DDHD2: variants seen among roughly 807,000 people sequenced by gnomAD.
DDHD2 encodes the protein DDHD domain containing 2, also known as triacylglycerol hydrolase DDHD2.
DDHD2 carries 62 observed loss-of-function variants against 91.2 expected under a neutral mutation model. The ratio of observed to expected loss-of-function variants is 0.68; its 90% CI spans 0.55 to 0.84. The LOEUF (loss-of-function observed/expected upper bound fraction) is 0.84. Ranked by LOEUF, DDHD2 falls within the 40% of genes least tolerant of loss-of-function variation. DDHD2 has a pLI of 0.00. For missense variants in DDHD2, 740 were observed against 846.9 expected (o/e 0.87, Z 1.57); for synonymous variants, 271 against 293.9 (o/e 0.92, Z 0.80).
intron 3 of DDHD2, among the ~76,000 whole-genome samples, chr8:38,235,719 C>CA (rs758520572): frequency 0.021 from 1,616 of 76,294 alleles, 32 homozygotes; most frequent in African/African-American, 0.063. Context: ...AACTCCATCT[C>CA]AAAAAAAAAA....
At chr8:38,239,501 C>T (rs117993574) in intron 5 of DDHD2, among the ~76,000 whole-genome samples, 6,557 of 150,534 alleles carry the variant, frequency 0.044, 226 homozygotes, top group Admixed American at 0.1. Flanking sequence ...CTGGCTAACA[C>T]GGTGAAACAC....
intron 3 of DDHD2, among the ~76,000 whole-genome samples, chr8:38,235,732 A>C (rs1439247992): frequency 1.3e-5 from 2 of 151,310 alleles, no homozygotes; most frequent in African/African-American, 2.4e-5. Context: ...AAAAAAAAAA[A>C]AAAACTGGTG....
intron 11 of DDHD2, chr8:38,250,937 G>GT (rs1381406261): frequency 6.6e-6 from 1 of 152,132 alleles, no homozygotes; most frequent in African/African-American, 2.4e-5. Flanking sequence ...TTTGAGCCAT[G>GT]TGTCTGACTT....
At chr8:38,269,061 C>A (rs530032944) in intron 1 of DDHD2, 8 of 1,522,330 alleles carry the variant, frequency 5.3e-6, no homozygotes, top group African/African-American at 2.9e-5. Context: ...CCCGACCCGC[C>A]GCCCCGTGCC....
chr8:38,238,956 C>CGTGT (rs1563300789), intron 5 of DDHD2: 1 of 152,270 alleles, frequency 6.6e-6, no homozygotes, highest in Non-Finnish European at 1.5e-5. Flanking sequence ...TGTGTGTACA[C>CGTGT]ACACAGAGAA....
Position 38,253,081 on chromosome 8 carries a change from A to G in DDHD2, c.1845A>G (p.Pro615=), listed in dbSNP as rs771147149. ...PYPALQASET[P]EETEAEPEST... is the part of the protein sequence containing the mutation. ...CTGCCTTACAAGCTTCAGAAACACC[A>G]GAAGAAACTGAAGCAGAACCTGAAT... is the stretch of plus-strand genomic sequence containing the variant. Residue 615 remains proline, a synonymous_variant, in exon 15 of 18, where the codon CCA becomes CCG. Transcript: ENST00000397166. 6.2e-7 allele frequency: 1 copy of G among 1,614,170 alleles called. No individual in the cohort carries two copies. Among genetic ancestry groups the G allele is most frequent in the Non-Finnish European group, 8.5e-7 (1 of 1,180,014 alleles).
intron 5 of DDHD2, chr8:38,238,452 G>A: frequency 1.6e-6 from 2 of 1,223,680 alleles, no homozygotes; most frequent in Non-Finnish European, 1.0e-6. Context: ...AAGTCACTAA[G>A]TACAGATGAA....
At chr8:38,253,834 C>T in intron 16 of DDHD2, 116 bp downstream of exon 16, 1 of 1,037,436 alleles carries the variant, frequency 9.6e-7, no homozygotes, top group South Asian at 1.6e-5. Context: ...AATCTCAGCA[C>T]TTTGGGAGGC....
At chr8:38,245,319 C>G (rs1296446078) in intron 7 of DDHD2, among the ~76,000 whole-genome samples, 1 of 151,730 alleles carries the variant, frequency 6.6e-6, no homozygotes, top group Non-Finnish European at 1.5e-5. Flanking sequence ...GCAATTCCAG[C>G]TATTTGGGAG....
downstream of DDHD2, chr8:38,263,747 T>A: frequency 2.0e-6 from 2 of 985,408 alleles, no homozygotes; most frequent in South Asian, 4.7e-5. Context: ...TTGAGCTATA[T>A]GAAATGGAAA....
chr8:38,257,035 T>C (rs947706189), intron 16 of DDHD2, among the ~76,000 whole-genome samples: 2 of 151,838 alleles, frequency 1.3e-5, no homozygotes, highest in African/African-American at 4.8e-5. Context: ...CATCCTCCCA[T>C]CTCAGCCTCC....
chr8:38,237,647 T>C lies in DDHD2; in HGVS notation c.501+20T>C. On this transcript the variant is annotated intron_variant, in intron 4 of 17. Transcript: ENST00000397166. ...CCAAAGGTAAAACAAAGCATTTCTC[T>C]TGTCGGGATAAAAAGTTAATTGCGC... The C allele has an allele frequency of 7.1e-7, 1 of 1,417,638 alleles. No individual in the cohort carries two copies. The highest frequency in any genetic ancestry group is 2.2e-5 in the Admixed American group (1 of 46,136). The allele number at this position is 1,417,638 out of a possible 1,614,324, so 87.8% of individuals were successfully genotyped here.
chr8:38,250,980 C>T (rs1021131361), intron 11 of DDHD2: 2 of 152,128 alleles, frequency 1.3e-5, no homozygotes, highest in Non-Finnish European at 2.9e-5. Context: ...GAAGGTTTAC[C>T]TGTGTTAACA....
rs1243302268 is a variant in DDHD2, at chr8:38,253,039, T to C, written c.1803T>C (p.Phe601=). 6.2e-7 allele frequency: 1 copy of C among 1,614,076 alleles called. No individual in the cohort carries two copies. ...LGSLRMAWKS[F]TRAPYPALQA... is the part of the protein sequence containing the mutation. ...CGCTGCGGATGGCCTGGAAGTCTTTTACCAGAGCTCCATACCCTGCCTTAC... is the reference window on the plus strand; with the variant it reads ...CGCTGCGGATGGCCTGGAAGTCTTTCACCAGAGCTCCATACCCTGCCTTAC... Residue 601 remains phenylalanine, a synonymous_variant, in exon 15 of 18, where the codon TTT becomes TTC. Transcript: ENST00000397166.
At chr8:38,267,316 C>T (rs1210523810), downstream of DDHD2, 11 of 1,614,012 alleles carry the variant, frequency 6.8e-6, no homozygotes, top group Admixed American at 8.3e-5. Context: ...TCACCACGTC[C>T]TTATCCCCTG....
intron 1 of DDHD2, 146 bp downstream of exon 1, chr8:38,232,005 T>G (rs1804296468): frequency 6.6e-6 from 1 of 152,584 alleles, no homozygotes; most frequent in Non-Finnish European, 1.5e-5. Context: ...GGGCACCCTG[T>G]GAACCCTGTG....
chr8:38,260,922 T>A lies in DDHD2; in HGVS notation c.*349T>A, dbSNP rs1772031821. On this transcript the variant is annotated 3_prime_UTR_variant, in exon 18 of 18. Coordinates refer to ENST00000397166, the MANE Select transcript of DDHD2 (RefSeq NM_015214.3). ...TAAAGCCTATTTTGGGTTTGATTTG[T>A]TTTGGGTGGGGTAGACATGTTTTTA... The A allele has an allele frequency of 6.6e-6, 1 of 152,176 alleles. No individual in the cohort carries two copies. The highest frequency in any genetic ancestry group is 1.5e-5 in the Non-Finnish European group (1 of 68,032). The allele number at this position is 152,176 out of a possible 1,614,324, so 9.4% of individuals were successfully genotyped here.
intron 4 of DDHD2, 45 bp from the exon 5 acceptor site, chr8:38,238,044 T>C: frequency 6.5e-7 from 1 of 1,534,678 alleles, no homozygotes. Flanking sequence ...ATAGAGATGA[T>C]TGTATTGCAG....
chr8:38,238,540 CT>C, intron 5 of DDHD2: 1 of 1,054,874 alleles, frequency 9.5e-7, no homozygotes, highest in Non-Finnish European at 1.1e-6. Flanking sequence ...ACTCCTTGTC[CT>C]TGAAGATTTT....
Sources: gnomAD v4.1 joint callset for allele counts (sites outside exome capture counted in the v4.1 genomes callset) on GRCh38, gnomAD v4.1.1 for gene constraint, MANE v1.5 for transcripts, NCBI Gene and HGNC (gene_info 2026-07-23, HGNC 2026-07-21) for gene names.